SGCD: variants seen among roughly 807,000 people sequenced by gnomAD.
SGCD encodes delta-sarcoglycan.
Under a neutral mutation model 36.6 loss-of-function variants are expected in SGCD, and 18 were observed. That is an observed-to-expected ratio of 0.49 (90% CI 0.34 to 0.73). The LOEUF (loss-of-function observed/expected upper bound fraction) is 0.73. Ranked by LOEUF, SGCD falls within the 30% of genes least tolerant of loss-of-function variation. The pLI is 0.01. For missense variants in SGCD, 387 were observed against 346.7 expected (o/e 1.12, Z -0.92); for synonymous variants, 133 against 130.6 (o/e 1.02, Z -0.12).
chr5:156,112,379 C>A (rs939537700), intron 1 of SGCD, among the ~76,000 whole-genome samples: 2 of 152,098 alleles, frequency 1.3e-5, no homozygotes, highest in African/African-American at 4.8e-5. Flanking sequence ...TAATAGCCAG[C>A]CACCTAAGTC....
the SGCD span, among the ~76,000 whole-genome samples, chr5:155,781,237 A>G: frequency 6.6e-6 from 1 of 152,102 alleles, no homozygotes; most frequent in African/African-American, 2.4e-5. Context: ...GTTTTTGTTG[A>G]AGATTTTTTT....
chr5:156,205,512 A>T (rs553077907), intron 3 of SGCD, among the ~76,000 whole-genome samples: 3 of 152,274 alleles, frequency 2.0e-5, no homozygotes, highest in African/African-American at 7.2e-5. Flanking sequence ...GTATAAGACA[A>T]TAATCTGTTG....
chr5:156,005,746 G>A (rs1198206502), intron 1 of SGCD, among the ~76,000 whole-genome samples: 1 of 152,120 alleles, frequency 6.6e-6, no homozygotes, highest in Non-Finnish European at 1.5e-5. Flanking sequence ...CACCGTGCCC[G>A]GCCTTTTGTT....
intron 3 of SGCD, among the ~76,000 whole-genome samples, chr5:156,281,279 C>T (rs191157702): frequency 6.6e-6 from 1 of 151,902 alleles, no homozygotes; most frequent in Non-Finnish European, 1.5e-5. Context: ...CATCCCCCCC[C>T]AAAAAAGAAC....
chr5:156,440,350 G>T (rs1207065855), intron 3 of SGCD, among the ~76,000 whole-genome samples: 1 of 151,956 alleles, frequency 6.6e-6, no homozygotes, highest in Non-Finnish European at 1.5e-5. Context: ...GCCACATTTT[G>T]TTTATCCATT....
intron 3 of SGCD, among the ~76,000 whole-genome samples, chr5:156,468,998 T>A (rs1204136944): frequency 6.6e-6 from 1 of 151,984 alleles, no homozygotes; most frequent in African/African-American, 2.4e-5. Flanking sequence ...TCTCAAAAAA[T>A]AATAATAATA....
In SGCD at chr5:155,984,941, GAGATTAAT is replaced by G. The variant is rs1170969146; in HGVS notation, c.-282+114518_-282+114525del. ...AGATCCTGTTTTTGCTCATCACTAT[GAGATTAAT>G]TCTTGTAAAACTTACCACTATGCAC... is the stretch of plus-strand genomic sequence containing the variant. On this transcript the variant is annotated intron_variant, in intron 1 of 9. Coordinates refer to the SGCD transcript ENST00000517913. Among the ~76,000 whole-genome samples, 19 of 152,324 alleles carry G rather than the reference GAGATTAAT, an allele frequency of 1.2e-4. No homozygotes were observed. The East Asian group carries it at 3.7e-3, about 29-fold the overall frequency.
chr5:156,534,635 A>G (rs1426405073), intron 4 of SGCD, among the ~76,000 whole-genome samples: 1 of 152,220 alleles, frequency 6.6e-6, no homozygotes, highest in Non-Finnish European at 1.5e-5. Context: ...GCATAGTAGC[A>G]AAGTACATGT....
At chr5:156,082,824 G>A (rs1017363909) in intron 1 of SGCD, among the ~76,000 whole-genome samples, 2 of 151,988 alleles carry the variant, frequency 1.3e-5, no homozygotes, top group African/African-American at 2.4e-5. Context: ...AATTTTTTTT[G>A]CAAAACTTCA....
chr5:156,185,843 A>ATGTGTGTGTG lies in SGCD; in HGVS notation c.-44+61825_-44+61826insGTGTGTGTGT, dbSNP rs1465310637. On this transcript the variant is annotated intron_variant, in intron 3 of 9. Coordinates refer to the SGCD transcript ENST00000517913. ...TATATATGTGTGTGTGTATATATATATATATATAGAGAGAGAGAGAGAGAG... is the reference window on the plus strand; with the variant it reads ...TATATATGTGTGTGTGTATATATATATGTGTGTGTGTATATATAGAGAGAGAGAGAGAGAG... 5.3e-3 allele frequency among the ~76,000 whole-genome samples: 177 copies of ATGTGTGTGTG among 33,638 alleles called. 48 individuals are homozygous for ATGTGTGTGTG. The highest frequency in any genetic ancestry group is 9.8e-3 in the East Asian group (18 of 1,844). The allele number at this position is 33,638 out of a possible 152,430, so 22.1% of individuals were successfully genotyped here.
the SGCD span, among the ~76,000 whole-genome samples, chr5:155,833,229 A>T: frequency 1.3e-5 from 2 of 152,156 alleles, no homozygotes; most frequent in East Asian, 1.9e-4. Flanking sequence ...GAATCTCAAA[A>T]AAAAAAAGTC....
At chr5:156,396,316 C>T (rs776050402) in intron 3 of SGCD, among the ~76,000 whole-genome samples, 2 of 152,200 alleles carry the variant, frequency 1.3e-5, no homozygotes, top group African/African-American at 2.4e-5. Flanking sequence ...ATGAAAATAG[C>T]AAAAATATTT....
intron 1 of SGCD, among the ~76,000 whole-genome samples, chr5:156,032,736 A>AAAAAG (rs1759381480): frequency 1.4e-5 from 2 of 147,334 alleles, no homozygotes; most frequent in African/African-American, 2.5e-5. Flanking sequence ...AAAAAAAAAA[A>AAAAAG]GAGTGTTTAA....
chr5:155,920,728 G>A (rs781474780), intron 1 of SGCD, among the ~76,000 whole-genome samples: 5 of 152,020 alleles, frequency 3.3e-5, no homozygotes, highest in East Asian at 1.9e-4. Flanking sequence ...TTCTGGGGGC[G>A]GCATACTCTT....
At chr5:155,947,094 A>G (rs1757452116) in intron 1 of SGCD, among the ~76,000 whole-genome samples, 3 of 152,174 alleles carry the variant, frequency 2.0e-5, no homozygotes, top group Admixed American at 2.0e-4. Context: ...GGAGGGAGAT[A>G]TGTGGAAGCA....
intron 1 of SGCD, among the ~76,000 whole-genome samples, chr5:155,967,773 A>G (rs184728133): frequency 6.6e-6 from 1 of 152,084 alleles, no homozygotes; most frequent in South Asian, 2.1e-4. Flanking sequence ...CACTGCCTCG[A>G]TCTCCTCAAC....
chr5:156,529,018 C>A (rs1757764339), intron 4 of SGCD, among the ~76,000 whole-genome samples: 1 of 152,146 alleles, frequency 6.6e-6, no homozygotes, highest in African/African-American at 2.4e-5. Context: ...TCCACTGCAG[C>A]TTGGTTTGTT....
intron 3 of SGCD, among the ~76,000 whole-genome samples, chr5:156,434,844 G>A (rs745511696): frequency 2.6e-5 from 4 of 152,170 alleles, no homozygotes; most frequent in South Asian, 4.1e-4. Context: ...AAAGAAACAT[G>A]TATTCATTAA....
chr5:155,976,779 G>A (rs1381091241), intron 1 of SGCD, among the ~76,000 whole-genome samples: 1 of 152,028 alleles, frequency 6.6e-6, no homozygotes, highest in East Asian at 1.9e-4. Context: ...CCTGGACACC[G>A]CCTTTTACCT....
Sources: allele counts gnomAD v4.1 joint callset (sites outside exome capture counted in the v4.1 genomes callset), GRCh38; gene constraint gnomAD v4.1.1; transcripts MANE v1.5; gene names NCBI Gene and HGNC (gene_info 2026-07-23, HGNC 2026-07-21).